Variants in ANKRD45 observed in about 807,000 individuals in gnomAD.
The protein encoded by ANKRD45 is ankyrin repeat domain 45, also known as ankyrin repeat domain-containing protein 45.
Under a neutral mutation model 28.1 loss-of-function variants are expected in ANKRD45, and 21 were observed. The observed-to-expected ratio is 0.75, with a 90% CI of 0.53 to 1.08. ANKRD45 has a LOEUF of 1.08. ANKRD45 is among the 50% of genes least tolerant of loss of function. ANKRD45 has a pLI of 0.00. For missense variants in ANKRD45, 261 were observed against 308.7 expected (o/e 0.85, Z 1.16); for synonymous variants, 86 against 103.9 (o/e 0.83, Z 1.05).
At chr1:173,692,173 T>G in the ANKRD45 span, among the ~76,000 whole-genome samples, 1 of 152,154 alleles carries the variant, frequency 6.6e-6, no homozygotes, top group African/African-American at 2.4e-5. Flanking sequence ...AAAAGGAAGT[T>G]TAAAAGTAGA....
chr1:173,620,152 G>A (rs531154420), intron 5 of ANKRD45, among the ~76,000 whole-genome samples: 2 of 152,240 alleles, frequency 1.3e-5, no homozygotes, highest in South Asian at 2.1e-4. Context: ...CAGAATATAC[G>A]TTCTTCTCAT....
chr1:173,691,302 A>C, the ANKRD45 span, among the ~76,000 whole-genome samples: 1 of 151,808 alleles, frequency 6.6e-6, no homozygotes, highest in Non-Finnish European at 1.5e-5. Context: ...GTGGGTCTTG[A>C]TTTCTCACCC....
At chr1:173,660,678 C>A (rs534494359) in intron 1 of ANKRD45, among the ~76,000 whole-genome samples, 1 of 152,166 alleles carries the variant, frequency 6.6e-6, no homozygotes, top group Admixed American at 6.5e-5. Flanking sequence ...GAGAAGGCCA[C>A]CTTTCAAGGA....
At position 173,627,170 on chromosome 1, in the gene ANKRD45, G is replaced by A. The variant is rs1215631969; in HGVS notation, c.497-11C>T. ...GAGTCAGCCTTGCATCTGAAAGAATGGACAGAAACACACACATGACAAGAC... is the reference window on the plus strand; with the variant it reads ...GAGTCAGCCTTGCATCTGAAAGAATAGACAGAAACACACACATGACAAGAC... On this transcript the variant is annotated splice_polypyrimidine_tract_variant and intron_variant, in intron 3 of 5. Transcript: ENST00000333279. 1.3e-6 allele frequency: 2 copies of A among 1,562,320 alleles called. No homozygotes were observed. The highest frequency in any genetic ancestry group is 2.2e-5 in the South Asian group (2 of 89,868).
At chr1:173,682,048 CAA>C in the ANKRD45 span, among the ~76,000 whole-genome samples, 153 of 88,698 alleles carry the variant, frequency 1.7e-3, no homozygotes, top group African/African-American at 4.2e-3. Context: ...GACTCTGTCT[CAA>C]AAAAAAAAAA....
intron 2 of ANKRD45, chr1:173,658,086 G>T (rs1043563818): frequency 6.6e-6 from 1 of 152,612 alleles, no homozygotes; most frequent in Non-Finnish European, 1.5e-5. Context: ...ACTTTGGGAG[G>T]CCAAGACAGG....
At chr1:173,680,236 A>G in the ANKRD45 span, among the ~76,000 whole-genome samples, 1 of 152,230 alleles carries the variant, frequency 6.6e-6, no homozygotes, top group Non-Finnish European at 1.5e-5. Flanking sequence ...AGACACATGC[A>G]CACGTGTGTT....
rs191201535 is a variant in ANKRD45 at position 173,614,077 on chromosome 1, C to T, written c.731-3862G>A. Among the ~76,000 whole-genome samples, 404 of 152,172 alleles carry T rather than the reference C, an allele frequency of 2.7e-3. 3 individuals carry two copies. Among genetic ancestry groups the T allele is most frequent in the Non-Finnish European group, 4.1e-3 (281 of 68,010 alleles). ...AACAGATGCTTGAAGGCAGCAGACT[C>T]GCTAAGAGTCATCACCACTCCCTAA... On this transcript the variant is annotated intron_variant, in intron 5 of 5. Coordinates refer to ENST00000333279, the MANE Select transcript of ANKRD45 (RefSeq NM_198493.3).
intron 2 of ANKRD45, among the ~76,000 whole-genome samples, chr1:173,652,401 A>C (rs1255520952): frequency 6.6e-6 from 1 of 152,134 alleles, no homozygotes; most frequent in Admixed American, 6.6e-5. Flanking sequence ...GATTATGTTT[A>C]TTGATTTGTG....
rs1176631341 is a variant in ANKRD45 at position 173,663,091 on chromosome 1, A to ACACC, written c.-15-3659_-15-3658insGGTG. 7.2e-3 allele frequency among the ~76,000 whole-genome samples: 1,060 copies of ACACC among 146,242 alleles called. 17 individuals are homozygous for ACACC. The highest frequency in any genetic ancestry group is 0.026 in the African/African-American group (1,023 of 39,182). ...CACACACACACACACACACACACAC[A>ACACC]CCTTCTTTAAAGCACTCCTATCTCA... On this transcript the variant is annotated intron_variant, in intron 1 of 5. Transcript: ENST00000333279.
At chr1:173,704,852 T>C in the ANKRD45 span, among the ~76,000 whole-genome samples, 9 of 152,198 alleles carry the variant, frequency 5.9e-5, no homozygotes, top group African/African-American at 2.2e-4. Flanking sequence ...GGACCAATAC[T>C]TGTGAAAAGA....
At chr1:173,701,638 G>A in the ANKRD45 span, among the ~76,000 whole-genome samples, 4 of 152,094 alleles carry the variant, frequency 2.6e-5, no homozygotes, top group African/African-American at 9.7e-5. Flanking sequence ...CTGGACACAG[G>A]GCAGGGTACA....
At chr1:173,693,453 C>T in the ANKRD45 span, among the ~76,000 whole-genome samples, 1 of 152,160 alleles carries the variant, frequency 6.6e-6, no homozygotes, top group African/African-American at 2.4e-5. Flanking sequence ...AATATGCATG[C>T]ATATTCATGC....
chr1:173,648,668 G>A (rs563866592), intron 2 of ANKRD45, among the ~76,000 whole-genome samples: 2 of 152,242 alleles, frequency 1.3e-5, no homozygotes, highest in African/African-American at 2.4e-5. Context: ...ATTTTAGAGT[G>A]TATCATCAAG....
chr1:173,613,453 G>C (rs1281323560), intron 5 of ANKRD45, among the ~76,000 whole-genome samples: 1 of 151,688 alleles, frequency 6.6e-6, no homozygotes, highest in East Asian at 2.0e-4. Context: ...CCCTCTGGGA[G>C]GGAGGTGGGG....
chr1:173,630,406 A>C (rs913451083), intron 3 of ANKRD45, among the ~76,000 whole-genome samples: 3 of 152,116 alleles, frequency 2.0e-5, no homozygotes, highest in Admixed American at 2.0e-4. Context: ...AAAAGGTAAA[A>C]AGTTGGAGGG....
rs1420114252 is a variant in ANKRD45 at position 173,608,884 on chromosome 1, G to GGAGGGGGAAGA, written c.*1260_*1261insTCTTCCCCCTC. 1.4e-4 allele frequency among the ~76,000 whole-genome samples: 11 copies of GGAGGGGGAAGA among 76,364 alleles called. No individual in the cohort carries two copies. In the African/African-American group the frequency reaches 1.7e-3, roughly 12 times the overall value. The allele number at this position is 76,364 out of a possible 152,430, so 50.1% of individuals were successfully genotyped here. ...GGAAGGGAGGGGAGGGGAGAGGAAGGGAGGGGAGGGGAGAGGAAGGGAGAG... is the reference window on the plus strand; with the variant it reads ...GGAAGGGAGGGGAGGGGAGAGGAAGGGAGGGGGAAGAGAGGGGAGGGGAGAGGAAGGGAGAG... On this transcript the variant is annotated 3_prime_UTR_variant, in exon 6 of 6. Coordinates refer to ENST00000333279, the MANE Select transcript of ANKRD45 (RefSeq NM_198493.3).
intron 3 of ANKRD45, among the ~76,000 whole-genome samples, chr1:173,645,342 T>C (rs1668875630): frequency 6.6e-6 from 1 of 152,134 alleles, no homozygotes; most frequent in Non-Finnish European, 1.5e-5. Flanking sequence ...CTCTTCCTCT[T>C]CTACATAACA....
intron 2 of ANKRD45, among the ~76,000 whole-genome samples, chr1:173,653,574 G>A (rs966586284): frequency 1.3e-4 from 20 of 152,182 alleles, no homozygotes; most frequent in African/African-American, 4.8e-5. Flanking sequence ...TGTATATTCT[G>A]TTGATTCGGG....
Sources: allele counts gnomAD v4.1 joint callset (sites outside exome capture counted in the v4.1 genomes callset), GRCh38; gene constraint gnomAD v4.1.1; transcripts MANE v1.5; gene names NCBI Gene and HGNC (gene_info 2026-07-23, HGNC 2026-07-21).